The following GNAI1 variants were observed in gnomAD, a reference collection of about 807,000 sequenced individuals.
GNAI1 encodes G protein subunit alpha i1.
In GNAI1, 11 loss-of-function variants were observed where a neutral mutation model predicts 38.9. That is an observed-to-expected ratio of 0.28 (90% CI 0.18 to 0.47). GNAI1 has a LOEUF of 0.47. Ranked by LOEUF, GNAI1 falls within the 20% of genes least tolerant of loss-of-function variation. The pLI, the probability that GNAI1 is intolerant of heterozygous loss-of-function variation, is 0.99. For missense variants in GNAI1, 317 were observed against 436.9 expected (o/e 0.73, Z 2.45); for synonymous variants, 166 against 145.1 (o/e 1.14, Z -1.04).
At chr7:80,170,674 A>G (rs1788085622) in intron 1 of GNAI1, among the ~76,000 whole-genome samples, 1 of 152,096 alleles carries the variant, frequency 6.6e-6, no homozygotes. Context: ...GGGAGGTGAT[A>G]TATACTTGTA....
intron 1 of GNAI1, among the ~76,000 whole-genome samples, chr7:80,137,672 T>C (rs1477657718): frequency 6.6e-6 from 1 of 152,208 alleles, no homozygotes; most frequent in Non-Finnish European, 1.5e-5. Flanking sequence ...TATTTCAGAA[T>C]GATTTTTAGA....
intron 1 of GNAI1, among the ~76,000 whole-genome samples, chr7:80,169,050 T>C (rs1788059849): frequency 6.6e-6 from 1 of 152,202 alleles, no homozygotes; most frequent in South Asian, 2.1e-4. Flanking sequence ...ATATTCTAAT[T>C]ACTCTTCTTT....
At chr7:80,176,895 C>A (rs1188613246) in intron 1 of GNAI1, among the ~76,000 whole-genome samples, 20 of 145,276 alleles carry the variant, frequency 1.4e-4, no homozygotes, top group African/African-American at 4.6e-4. Context: ...TGAGATCACG[C>A]CACCGCACTC....
chr7:80,180,930 C>T (rs1788282923), intron 1 of GNAI1, among the ~76,000 whole-genome samples: 1 of 152,082 alleles, frequency 6.6e-6, no homozygotes, highest in Non-Finnish European at 1.5e-5. Context: ...CCTTTAAGGG[C>T]ATCCTCCATT....
intron 1 of GNAI1, among the ~76,000 whole-genome samples, chr7:80,145,412 T>G (rs1787602051): frequency 6.6e-6 from 1 of 152,190 alleles, no homozygotes; most frequent in South Asian, 2.1e-4. Flanking sequence ...GAGTTCCTTT[T>G]ATATGAAGGT....
At chr7:80,175,958 C>A (rs1414055030) in intron 1 of GNAI1, among the ~76,000 whole-genome samples, 1 of 152,122 alleles carries the variant, frequency 6.6e-6, no homozygotes, top group African/African-American at 2.4e-5. Context: ...CAGTTTAAGT[C>A]AAAAGCTAGA....
rs746000770 is a variant in GNAI1, at chr7:80,222,832, C to T, written c.*5339C>T. ...AAAGTACAGGTGCTCCTTGACTTAC[C>T]GTGGGTTAAGTCCTGAAAAGCCCAC... On this transcript the variant is annotated 3_prime_UTR_variant, in exon 8 of 8. Coordinates refer to ENST00000649796, the MANE Select transcript of GNAI1 (RefSeq NM_002069.6). Among the ~76,000 whole-genome samples, 16 of 152,108 alleles carry T rather than the reference C, an allele frequency of 1.1e-4. No individual in the cohort carries two copies. The highest frequency in any genetic ancestry group is 3.4e-3 in the Middle Eastern group (1 of 294).
chr7:80,149,401 T>G (rs1787686319), intron 1 of GNAI1, among the ~76,000 whole-genome samples: 1 of 152,142 alleles, frequency 6.6e-6, no homozygotes, highest in Non-Finnish European at 1.5e-5. Flanking sequence ...TTTTAAAGCT[T>G]ATGATGTGTA....
chr7:80,223,904 GTCTAAA>G lies in GNAI1; in HGVS notation c.*6417_*6422del, dbSNP rs1247337137. Among the ~76,000 whole-genome samples, 1 of 152,108 alleles carries G rather than the reference GTCTAAA, an allele frequency of 6.6e-6. No individual in the cohort carries two copies. The highest frequency in any genetic ancestry group is 2.4e-5 in the African/African-American group (1 of 41,414). ...AATCTTCTTCTTCGAAAGGAATCTT[GTCTAAA>G]TCTAATAAAGCATTTTTCTGGCTGA... On this transcript the variant is annotated 3_prime_UTR_variant, in exon 8 of 8. Coordinates refer to ENST00000649796, the MANE Select transcript of GNAI1 (RefSeq NM_002069.6).
At chr7:80,188,584 A>G (rs1261989360) in intron 1 of GNAI1, among the ~76,000 whole-genome samples, 1 of 152,228 alleles carries the variant, frequency 6.6e-6, no homozygotes. Context: ...ATATTACAAA[A>G]TATATGTATC....
chr7:80,197,147 A>G (rs1788591708), intron 3 of GNAI1, among the ~76,000 whole-genome samples: 1 of 142,676 alleles, frequency 7.0e-6, no homozygotes, highest in African/African-American at 2.6e-5. Context: ...CTAGCTTTGT[A>G]TATTTGACCT....
intron 1 of GNAI1, among the ~76,000 whole-genome samples, chr7:80,148,531 T>A (rs1403393068): frequency 6.6e-6 from 1 of 150,668 alleles, no homozygotes; most frequent in African/African-American, 2.4e-5. Context: ...ATTTTAAAAT[T>A]AAAAAAAAAA....
At position 80,220,440 on chromosome 7, in the gene GNAI1, C is replaced by G. The variant is rs1789052050; in HGVS notation, c.*2947C>G. ...CTTCAGGGTGCCCTTCTGGGAACTA[C>G]ATGATTCTGATAGAGCTGCCAATCG... On this transcript the variant is annotated 3_prime_UTR_variant, in exon 8 of 8. Transcript: ENST00000649796. Among the ~76,000 whole-genome samples, 1 of 152,180 alleles carries G rather than the reference C, an allele frequency of 6.6e-6. No homozygotes were observed.
In GNAI1 at chr7:80,189,149, A is replaced by G. The variant is rs1319027288; in HGVS notation, c.221A>G (p.Tyr74Cys). The change falls in exon 3 of 8, where the codon TAC becomes TGC. Residue 74 changes from tyrosine (Y) to cysteine (C), a missense_variant. By Grantham distance (194) the Tyr-to-Cys change is radical (BLOSUM62 -2). Transcript: ENST00000649796. ...EECKQYKAVV[Y>C]SNTIQSIIAI... ...TGTAAACAATACAAAGCAGTGGTCT[A>G]CAGTAACACCATCCAGTCAATTATT... 6.2e-7 allele frequency: 1 copy of G among 1,606,844 alleles called. No homozygotes were observed. The highest frequency in any genetic ancestry group is 1.3e-5 in the African/African-American group (1 of 74,370).
chr7:80,136,109 C>G (rs990679955), intron 1 of GNAI1: 1 of 897,840 alleles, frequency 1.1e-6, no homozygotes, highest in Non-Finnish European at 1.3e-6. Flanking sequence ...TAGCACTGTT[C>G]TGTTCGTGAA....
At position 80,199,380 on chromosome 7, in the gene GNAI1, A is replaced by G. The variant is rs755677793; in HGVS notation, c.459A>G (p.Ala153=). The part of the protein sequence containing the change: ...SREYQLNDSA[A]YYLNDLDRIA... Reference sequence around the variant, plus strand: ...AGTACCAGCTTAATGATTCTGCAGCATAGTAAGTAATCATAACTTCAGAAC... The same window carrying G: ...AGTACCAGCTTAATGATTCTGCAGCGTAGTAAGTAATCATAACTTCAGAAC... The change falls in exon 4 of 8, where the codon GCA becomes GCG. Residue 153 remains alanine, a splice_region_variant and synonymous_variant. Coordinates refer to ENST00000649796, the MANE Select transcript of GNAI1 (RefSeq NM_002069.6). The G allele has an allele frequency of 1.2e-4, 188 of 1,590,174 alleles. No homozygotes were observed. The highest frequency in any genetic ancestry group is 2.7e-5 in the Non-Finnish European group (31 of 1,165,786).
Position 80,218,189 on chromosome 7 carries a change from A to T in GNAI1, c.*696A>T, listed in dbSNP as rs1042047661. On this transcript the variant is annotated 3_prime_UTR_variant, in exon 8 of 8. Coordinates refer to ENST00000649796, the MANE Select transcript of GNAI1 (RefSeq NM_002069.6). ...TTTCCTACTTTAAGAAAATAAAATAATTTAATTTTACATTAGATTCCACGT... is the reference window on the plus strand; with the variant it reads ...TTTCCTACTTTAAGAAAATAAAATATTTTAATTTTACATTAGATTCCACGT... The T allele has an allele frequency of 1.3e-5, 2 of 152,172 alleles. No homozygotes were observed. The highest frequency in any genetic ancestry group is 2.9e-5 in the Non-Finnish European group (2 of 68,016). 9.4% of individuals were successfully genotyped at this position (152,172 alleles called of 1,614,324 possible). A position where few individuals can be genotyped will look rare whatever the true frequency, so the allele number is the denominator to read the frequency against.
At chr7:80,136,685 GAGAT>G (rs1192488116) in intron 1 of GNAI1, among the ~76,000 whole-genome samples, 4 of 152,184 alleles carry the variant, frequency 2.6e-5, no homozygotes, top group Non-Finnish European at 5.9e-5. Flanking sequence ...AATTGAATGT[GAGAT>G]AGATATGAAA....
chr7:80,165,739 A>C (rs1168734262), intron 1 of GNAI1, among the ~76,000 whole-genome samples: 1 of 152,280 alleles, frequency 6.6e-6, no homozygotes, highest in East Asian at 1.9e-4. Flanking sequence ...AATAGTTTTT[A>C]AAAACTAGAT....
Sources: allele counts gnomAD v4.1 joint callset (sites outside exome capture counted in the v4.1 genomes callset), GRCh38; gene constraint gnomAD v4.1.1; transcripts MANE v1.5; gene names NCBI Gene and HGNC (gene_info 2026-07-23, HGNC 2026-07-21).